Variants in IL1RAPL1 observed in about 807,000 individuals in gnomAD.
IL1RAPL1 encodes the protein interleukin 1 receptor accessory protein like 1, also known as interleukin-1 receptor accessory protein-like 1.
Under a neutral mutation model 48.4 loss-of-function variants are expected in IL1RAPL1, and 3 were observed. The ratio of observed to expected loss-of-function variants is 0.06; its 90% CI spans 0.03 to 0.16. The LOEUF (loss-of-function observed/expected upper bound fraction) is 0.16. Among genes scored for constraint, IL1RAPL1 ranks in the 10% least tolerant of loss-of-function variants. The pLI, the probability that IL1RAPL1 is intolerant of heterozygous loss-of-function variation, is 1.00. For missense variants in IL1RAPL1, 349 were observed against 530.6 expected, an observed-to-expected ratio of 0.66 and a Z score of 3.36; for synonymous variants, 185 against 187.7, an observed-to-expected ratio of 0.99 and a Z score of 0.12.
At chrX:29,928,629 G>T (rs1231193088) in intron 8 of IL1RAPL1, among the ~76,000 whole-genome samples, 1 of 112,017 alleles carries the variant, frequency 8.9e-6, no homozygotes, top group East Asian at 2.8e-4. Flanking sequence ...CTTACTAGTG[G>T]ACTGACTGAC....
Position 29,106,175 on chromosome X carries a change from A to G in IL1RAPL1, c.83-176763A>G, listed in dbSNP as rs1928442259. Among the ~76,000 whole-genome samples, 6 of 111,910 alleles carry G rather than the reference A, an allele frequency of 5.4e-5. No individual in the cohort carries two copies. The South Asian group carries it at 2.2e-3, about 41-fold the overall frequency. On this transcript the variant is annotated intron_variant, in intron 2 of 10. Transcript: ENST00000378993. ...AGAACTTTTGTGAAAGATAGGATTT[A>G]TAGAGATCAAGAAAATTTAGGGCAT...
chrX:28,639,511 G>C (rs1420437481), intron 1 of IL1RAPL1, among the ~76,000 whole-genome samples: 1 of 111,824 alleles, frequency 8.9e-6, no homozygotes, highest in Non-Finnish European at 1.9e-5. Flanking sequence ...AGTCACATTT[G>C]TTCCTAAAGA....
chrX:29,034,805 A>G (rs1437432608), intron 2 of IL1RAPL1, among the ~76,000 whole-genome samples: 1 of 110,699 alleles, frequency 9.0e-6, no homozygotes, highest in Non-Finnish European at 1.9e-5. Flanking sequence ...AATTCCCAAT[A>G]TGTATTTTAA....
chrX:28,987,955 A>T (rs1925514856), intron 2 of IL1RAPL1, among the ~76,000 whole-genome samples: 1 of 112,157 alleles, frequency 8.9e-6, no homozygotes, highest in South Asian at 3.7e-4. Flanking sequence ...GCTATATTGC[A>T]GCAAACAATA....
intron 6 of IL1RAPL1, among the ~76,000 whole-genome samples, chrX:29,782,229 T>A (rs981103550): frequency 2.7e-5 from 3 of 110,844 alleles, no homozygotes; most frequent in African/African-American, 6.6e-5. Context: ...GTTACACTTT[T>A]AAAAAATGGA....
chrX:29,119,090 T>C (rs1426790966), intron 2 of IL1RAPL1, among the ~76,000 whole-genome samples: 3 of 110,925 alleles, frequency 2.7e-5, no homozygotes, highest in East Asian at 2.8e-4. Context: ...GTTTAAAAAA[T>C]GCAATATATG....
At chrX:29,019,720 A>C (rs1261248425) in intron 2 of IL1RAPL1, among the ~76,000 whole-genome samples, 4 of 112,367 alleles carry the variant, frequency 3.6e-5, no homozygotes, top group African/African-American at 1.3e-4. Flanking sequence ...ATCTTATCCC[A>C]GAAAGTGAAT....
chrX:29,409,990 T>C (rs1474621793), intron 5 of IL1RAPL1, among the ~76,000 whole-genome samples: 2 of 110,160 alleles, frequency 1.8e-5, no homozygotes, highest in Non-Finnish European at 3.8e-5. Flanking sequence ...GCCCGGCTAA[T>C]TTTTTATTTT....
At chrX:29,095,138 A>G (rs1198369361) in intron 2 of IL1RAPL1, among the ~76,000 whole-genome samples, 3 of 111,228 alleles carry the variant, frequency 2.7e-5, no homozygotes, top group Non-Finnish European at 5.7e-5. Context: ...ACAAAATATG[A>G]TGCTATTTTC....
chrX:29,602,728 C>T (rs923958285), intron 5 of IL1RAPL1, among the ~76,000 whole-genome samples: 1 of 112,533 alleles, frequency 8.9e-6, no homozygotes, highest in Non-Finnish European at 1.9e-5. Context: ...TAAAGACTTT[C>T]CCCTGGAAAT....
At chrX:28,993,262 A>T (rs1925653331) in intron 2 of IL1RAPL1, among the ~76,000 whole-genome samples, 1 of 112,032 alleles carries the variant, frequency 8.9e-6, no homozygotes, top group Admixed American at 9.5e-5. Context: ...CAACCAGTGG[A>T]ATACTGTGAT....
At chrX:29,062,737 C>A (rs984740342) in intron 2 of IL1RAPL1, among the ~76,000 whole-genome samples, 4 of 111,492 alleles carry the variant, frequency 3.6e-5, no homozygotes, top group Non-Finnish European at 7.5e-5. Context: ...GTTTATTAAG[C>A]TTCCCTTTTA....
At chrX:29,470,810 T>C (rs985220372) in intron 5 of IL1RAPL1, among the ~76,000 whole-genome samples, 2 of 110,405 alleles carry the variant, frequency 1.8e-5, no homozygotes, top group South Asian at 3.9e-4. Flanking sequence ...TTTTTATTTC[T>C]TGGCATAGAC....
At chrX:28,980,933 T>TA (rs777556954) in intron 2 of IL1RAPL1, among the ~76,000 whole-genome samples, 15 of 103,454 alleles carry the variant, frequency 1.4e-4, no homozygotes, top group African/African-American at 3.5e-4. Context: ...TACTAAAAAT[T>TA]AAAAAAAATT....
At chrX:29,195,361 C>G (rs1254981490) in intron 2 of IL1RAPL1, among the ~76,000 whole-genome samples, 1 of 110,583 alleles carries the variant, frequency 9.0e-6, no homozygotes, top group African/African-American at 3.3e-5. Context: ...TATGGAAGAC[C>G]ACAGAAAGAT....
intron 5 of IL1RAPL1, among the ~76,000 whole-genome samples, chrX:29,441,512 T>C (rs1008355227): frequency 1.8e-5 from 2 of 112,265 alleles, no homozygotes; most frequent in African/African-American, 6.5e-5. Flanking sequence ...CATGATTACT[T>C]CTTCACAACT....
At chrX:28,937,025 A>C (rs1924034256) in intron 2 of IL1RAPL1, among the ~76,000 whole-genome samples, 1 of 111,252 alleles carries the variant, frequency 9.0e-6, no homozygotes, top group East Asian at 2.9e-4. Context: ...ATAGTCATTT[A>C]TGCAGGATCC....
chrX:28,910,682 C>T (rs1404813849), intron 2 of IL1RAPL1, among the ~76,000 whole-genome samples: 1 of 107,981 alleles, frequency 9.3e-6, no homozygotes, highest in African/African-American at 3.4e-5. Flanking sequence ...AGATAGATGA[C>T]TAATATAGAT....
chrX:28,689,456 C>T (rs760315688), intron 1 of IL1RAPL1, among the ~76,000 whole-genome samples: 2 of 111,597 alleles, frequency 1.8e-5, no homozygotes, highest in African/African-American at 6.5e-5. Context: ...CCCAGCCATG[C>T]TGAACTGTGA....
Sources: allele counts gnomAD v4.1 joint callset (sites outside exome capture counted in the v4.1 genomes callset), GRCh38; gene constraint gnomAD v4.1.1; transcripts MANE v1.5; gene names NCBI Gene and HGNC (gene_info 2026-07-23, HGNC 2026-07-21).